BRF1: variants seen among roughly 807,000 people sequenced by gnomAD.
BRF1 encodes transcription factor IIIB 90 kDa subunit.
BRF1 carries 59 observed loss-of-function variants against 81.7 expected under a neutral mutation model. The ratio of observed to expected loss-of-function variants is 0.72; its 90% CI spans 0.59 to 0.90. The LOEUF (loss-of-function observed/expected upper bound fraction) is 0.90. Ranked by LOEUF, BRF1 falls within the 40% of genes least tolerant of loss-of-function variation. BRF1 has a pLI of 0.00. For synonymous variants in BRF1, 491 were observed against 395.6 expected (o/e 1.24, Z -2.86); for missense variants, 1,050 against 936.3 (o/e 1.12, Z -1.58).
intron 7 of BRF1, 134 bp from the exon 8 acceptor site, chr14:105,226,894 A>T: frequency 7.5e-7 from 1 of 1,326,840 alleles, no homozygotes; most frequent in Admixed American, 2.2e-5. Context: ...GGATTGCTTG[A>T]GTCCAAGACT....
Position 105,271,883 on chromosome 14 carries a change from C to T in BRF1, c.439+838G>A, listed in dbSNP as rs2056672745. ...CAGTCACGGTGTCCACGCACAAGGC[C>T]AAGCTGCACACCGCTGAGGGTCGGC... On this transcript the variant is annotated intron_variant, in intron 3 of 17. Transcript: ENST00000547530. The surrounding 1 kb of genome is among the most constrained non-coding windows in gnomAD (Gnocchi z 5.5). 7.3e-6 allele frequency among the ~76,000 whole-genome samples: 1 copy of T among 137,584 alleles called. No individual in the cohort carries two copies. The highest frequency in any genetic ancestry group is 7.2e-5 in the Admixed American group (1 of 13,838). The allele number at this position is 137,584 out of a possible 152,430, so 90.3% of individuals were successfully genotyped here. A position where few individuals can be genotyped will look rare whatever the true frequency, so the allele number is the denominator to read the frequency against.
At chr14:105,249,758 A>G (rs2055474741) in intron 5 of BRF1, 1 of 1,613,876 alleles carries the variant, frequency 6.2e-7, no homozygotes, top group Non-Finnish European at 8.5e-7. Context: ...TCTGGAGACA[A>G]GTTTGGAAGC....
At chr14:105,280,330 C>T (rs938644157) in intron 2 of BRF1, among the ~76,000 whole-genome samples, 1 of 152,210 alleles carries the variant, frequency 6.6e-6, no homozygotes, top group African/African-American at 2.4e-5. Context: ...GACCACATGA[C>T]CAAGCGCCGG....
intron 2 of BRF1, among the ~76,000 whole-genome samples, chr14:105,274,385 T>C (rs1416316354): frequency 1.3e-5 from 2 of 152,180 alleles, no homozygotes; most frequent in African/African-American, 2.4e-5. Flanking sequence ...TCTTTCTCTA[T>C]ACTTTGTCTC....
chr14:105,222,321 G>C (rs1892407689), intron 10 of BRF1: 2 of 168,548 alleles, frequency 1.2e-5, no homozygotes, highest in Admixed American at 1.3e-4. Context: ...TGCAAATCTC[G>C]TAACTGATAA....
At chr14:105,293,376 A>T (rs2057599969) in intron 1 of BRF1, among the ~76,000 whole-genome samples, 1 of 152,158 alleles carries the variant, frequency 6.6e-6, no homozygotes, top group Non-Finnish European at 1.5e-5. Flanking sequence ...CGAAGTTCTA[A>T]CTGTGAAGCC....
chr14:105,315,048 C>A lies in BRF1; in HGVS notation c.-162+274G>T. The A allele has an allele frequency of 8.5e-7, 1 of 1,170,642 alleles. No individual in the cohort carries two copies. The highest frequency in any genetic ancestry group is 1.1e-6 in the Non-Finnish European group (1 of 939,484). 72.5% of individuals were successfully genotyped at this position (1,170,642 alleles called of 1,614,324 possible). A position where few individuals can be genotyped will look rare whatever the true frequency, so the allele number is the denominator to read the frequency against. On this transcript the variant is annotated intron_variant, in intron 1 of 17. Transcript: ENST00000327359. The surrounding 1 kb of genome is among the most constrained non-coding windows in gnomAD (Gnocchi z 4.4). ...CAGCTGCGTGCCCAGGTACGCGCCG[C>A]CCGCCGCGCTTTGTTCCCGCCGGGC...
intron 5 of BRF1, chr14:105,248,702 G>A (rs2055337790): frequency 2.0e-6 from 2 of 982,270 alleles, no homozygotes; most frequent in Non-Finnish European, 2.4e-6. Flanking sequence ...TCACAGCGCC[G>A]CCGCCGCCCA....
chr14:105,250,622 G>A, intron 5 of BRF1: 2 of 1,613,852 alleles, frequency 1.2e-6, no homozygotes, highest in Non-Finnish European at 1.7e-6. Context: ...CAGCACCAAC[G>A]GGACTGGGGT....
intron 5 of BRF1, chr14:105,242,567 C>T (rs2054759270): frequency 6.6e-6 from 1 of 151,762 alleles, no homozygotes; most frequent in Non-Finnish European, 1.5e-5. Context: ...GAAACCCCAT[C>T]TTTACTAAAA....
chr14:105,261,830 C>A (rs1446733693), intron 3 of BRF1, among the ~76,000 whole-genome samples: 1 of 152,234 alleles, frequency 6.6e-6, no homozygotes, highest in African/African-American at 2.4e-5. Flanking sequence ...GGCGCCCACA[C>A]GGCGTGAGGA....
intron 7 of BRF1, among the ~76,000 whole-genome samples, chr14:105,228,580 G>A (rs1595320394): frequency 6.6e-6 from 1 of 152,006 alleles, no homozygotes; most frequent in Non-Finnish European, 1.5e-5. Context: ...GGAGGAGGAG[G>A]ATGCCTCCGC....
At chr14:105,307,311 C>A (rs1162764773) in intron 1 of BRF1, among the ~76,000 whole-genome samples, 1 of 152,154 alleles carries the variant, frequency 6.6e-6, no homozygotes, top group Non-Finnish European at 1.5e-5. Context: ...TAAATCACCC[C>A]AAGGCCAGGT....
chr14:105,269,347 C>T lies in BRF1; in HGVS notation c.439+3374G>A, dbSNP rs372729159. Reference sequence around the variant, plus strand: ...ACCAGCAGCCAGAGGGGATAGAGTGCGGCCTCCCGTGAGCACAGTCCTGTT... The same window carrying T: ...ACCAGCAGCCAGAGGGGATAGAGTGTGGCCTCCCGTGAGCACAGTCCTGTT... On this transcript the variant is annotated intron_variant, in intron 3 of 17. Coordinates refer to ENST00000547530, the MANE Select transcript of BRF1 (RefSeq NM_001519.4). The surrounding 1 kb of genome is among the most constrained non-coding windows in gnomAD (Gnocchi z 5.0). 1.4e-4 allele frequency among the ~76,000 whole-genome samples: 21 copies of T among 152,152 alleles called. No individual in the cohort carries two copies. The highest frequency in any genetic ancestry group is 1.6e-4 in the Non-Finnish European group (11 of 68,034).
At chr14:105,255,578 G>A (rs1485741682) in intron 4 of BRF1, among the ~76,000 whole-genome samples, 2 of 152,202 alleles carry the variant, frequency 1.3e-5, no homozygotes, top group African/African-American at 4.8e-5. Context: ...GGTCACAACT[G>A]TTTTCAATAT....
chr14:105,297,565 G>A (rs587652162), intron 1 of BRF1, among the ~76,000 whole-genome samples: 3 of 152,022 alleles, frequency 2.0e-5, no homozygotes, highest in South Asian at 2.1e-4. Context: ...GTGAGACTCT[G>A]TCTCAAAAAA....
At chr14:105,313,412 C>T (rs1279009863) in intron 1 of BRF1, among the ~76,000 whole-genome samples, 1 of 152,228 alleles carries the variant, frequency 6.6e-6, no homozygotes, top group Non-Finnish European at 1.5e-5. Context: ...CAAGGTCAGA[C>T]AGACCCTCAT....
intron 6 of BRF1, among the ~76,000 whole-genome samples, chr14:105,229,423 C>CTGGCCTGCCGGGTAGAGTGGA (rs2054351731): frequency 6.6e-6 from 1 of 152,244 alleles, no homozygotes; most frequent in African/African-American, 2.4e-5. Flanking sequence ...ATGCCGGTAC[C>CTGGCCTGCCGGGTAGAGTGGA]TGGCCTGCCG....
At chr14:105,311,274 G>A (rs2058344023) in intron 1 of BRF1, among the ~76,000 whole-genome samples, 1 of 150,576 alleles carries the variant, frequency 6.6e-6, no homozygotes, top group African/African-American at 2.4e-5. Flanking sequence ...TATTTTTTGA[G>A]ATGGAGCCTG....
Sources: allele counts gnomAD v4.1 joint callset (sites outside exome capture counted in the v4.1 genomes callset), GRCh38; gene constraint gnomAD v4.1.1; non-coding constraint Gnocchi (gnomAD v3.1); transcripts MANE v1.5; gene names NCBI Gene and HGNC (gene_info 2026-07-23, HGNC 2026-07-21).